GAGE1: variants seen among roughly 807,000 people sequenced by gnomAD.
GAGE1 encodes G antigen 4.
A neutral mutation model predicts 5.0 loss-of-function variants in GAGE1; 5 were observed. The observed-to-expected ratio is 1.00, with a 90% CI of 0.52 to 2.11. The LOEUF (loss-of-function observed/expected upper bound fraction) is 2.11. Ranked by LOEUF, GAGE1 falls within the 30% of genes most tolerant of loss-of-function variation. The probability of loss-of-function intolerance (pLI) is 0.01; values close to 1 mark genes in which losing one functional copy is unlikely to be tolerated. For missense variants in GAGE1, 9 were observed against 38.9 expected (o/e 0.23, Z 2.04); for synonymous variants, 6 against 14.8 (o/e 0.40, Z 1.37).
At position 49,606,477 on chromosome X, in the gene GAGE1, A is replaced by C. The variant is rs2066660573; in HGVS notation, c.*462A>C. ...CTTGGCCTTTCAAAGTGTTGGGATTACAGGCATGGGCCACCGTGCTGGTCC... is the reference window on the plus strand; with the variant it reads ...CTTGGCCTTTCAAAGTGTTGGGATTCCAGGCATGGGCCACCGTGCTGGTCC... On this transcript the variant is annotated 3_prime_UTR_variant, in exon 5 of 5. Coordinates refer to ENST00000381700, the MANE Select transcript of GAGE1 (RefSeq NM_001040663.4). The C allele has an allele frequency of 8.9e-6, 1 of 112,074 alleles. No homozygotes were observed. Among genetic ancestry groups the C allele is most frequent in the African/African-American group, 3.2e-5 (1 of 30,785 alleles). 9.2% of individuals were successfully genotyped at this position (112,074 alleles called of 1,213,427 possible).
intron 4 of GAGE1, among the ~76,000 whole-genome samples, chrX:49,604,822 G>GTTTT (rs1557131810): frequency 9.0e-6 from 1 of 111,690 alleles, no homozygotes; most frequent in Non-Finnish European, 1.9e-5. Flanking sequence ...TTGTTTGTTT[G>GTTTT]TTTGCGACGG....
At chrX:49,602,573 C>G (rs782000991) in intron 3 of GAGE1, among the ~76,000 whole-genome samples, 25 of 67,329 alleles carry the variant, frequency 3.7e-4, no homozygotes, top group African/African-American at 9.0e-4. Context: ...CACACACACA[C>G]ACACACACAT....
At chrX:49,602,820 CTT>C (rs782637326) in intron 3 of GAGE1, among the ~76,000 whole-genome samples, 9 of 79,360 alleles carry the variant, frequency 1.1e-4, no homozygotes, top group African/African-American at 3.5e-4. Flanking sequence ...TTCTTTTTTC[CTT>C]TTTTTTTTCT....
chrX:49,603,989 G>A (rs4824476), intron 4 of GAGE1, among the ~76,000 whole-genome samples, 196 bp downstream of exon 4: 2 of 111,302 alleles, frequency 1.8e-5, no homozygotes, highest in Non-Finnish European at 3.8e-5. Flanking sequence ...CGGAGCCGGG[G>A]TTACAGGCGT....
At position 49,606,028 on chromosome X, in the gene GAGE1, T is replaced by C. The variant is rs781989773; in HGVS notation, c.*13T>C. ...ATCACAGTGTTAAAAGAAGACATGC[T>C]GAAATGTTGCAGGCTGCTCCTATGT... is the stretch of plus-strand genomic sequence containing the variant. On this transcript the variant is annotated 3_prime_UTR_variant, in exon 5 of 5. Coordinates refer to ENST00000381700, the MANE Select transcript of GAGE1 (RefSeq NM_001040663.4). The C allele has an allele frequency of 9.4e-7, 1 of 1,061,028 alleles. No individual in the cohort carries two copies. Among genetic ancestry groups the C allele is most frequent in the Non-Finnish European group, 1.2e-6 (1 of 812,680 alleles). The allele number at this position is 1,061,028 out of a possible 1,213,427, so 87.4% of individuals were successfully genotyped here.
At chrX:49,604,854 G>A (rs1209351335) in intron 4 of GAGE1, 2 of 231,777 alleles carry the variant, frequency 8.6e-6, no homozygotes, top group Non-Finnish European at 1.6e-5. Context: ...GTCACCCAGG[G>A]TGGAGTGCAG....
At chrX:49,605,500 G>T (rs782056874) in intron 4 of GAGE1, among the ~76,000 whole-genome samples, 20 of 112,328 alleles carry the variant, frequency 1.8e-4, no homozygotes, top group African/African-American at 6.1e-4. Flanking sequence ...TACTCTCAAA[G>T]TGTATTCCGA....
chrX:49,604,495 A>C (rs191738319), intron 4 of GAGE1, among the ~76,000 whole-genome samples: 199 of 112,188 alleles, frequency 1.8e-3, no homozygotes, highest in African/African-American at 5.1e-3. Flanking sequence ...GAGTCCTTTC[A>C]CTTCTAAACC....
At position 49,606,264 on chromosome X, in the gene GAGE1, A is replaced by T. The variant is rs2066659184; in HGVS notation, c.*249A>T. The T allele has an allele frequency of 4.8e-6, 1 of 208,979 alleles. No homozygotes were observed. The highest frequency in any genetic ancestry group is 8.2e-5 in the East Asian group (1 of 12,126). The allele number at this position is 208,979 out of a possible 1,213,427, so 17.2% of individuals were successfully genotyped here. ...TCCAGCAACCTTGTTAAATATGCTTATGAATTTTAAAAGTTTACTTCTAGG... is the reference window on the plus strand; with the variant it reads ...TCCAGCAACCTTGTTAAATATGCTTTTGAATTTTAAAAGTTTACTTCTAGG... On this transcript the variant is annotated 3_prime_UTR_variant, in exon 5 of 5. Coordinates refer to ENST00000381700, the MANE Select transcript of GAGE1 (RefSeq NM_001040663.4).
rs1187075607 is a variant in GAGE1, at chrX:49,607,592, T to G, written c.*1577T>G. 15 of 111,206 alleles carry G rather than the reference T, an allele frequency of 1.3e-4. No homozygotes were observed. The highest frequency in any genetic ancestry group is 4.6e-4 in the African/African-American group (14 of 30,600). 9.2% of individuals were successfully genotyped at this position (111,206 alleles called of 1,213,427 possible). A position where few individuals can be genotyped will look rare whatever the true frequency, so the allele number is the denominator to read the frequency against. ...CAGTGACCAAACGGGCAGCTCCAGG[T>G]ACCTATCCCCTCAAACTTTGTGAGG... On this transcript the variant is annotated 3_prime_UTR_variant, in exon 5 of 5. Coordinates refer to ENST00000381700, the MANE Select transcript of GAGE1 (RefSeq NM_001040663.4).
At position 49,605,402 on chromosome X, in the gene GAGE1, A is replaced by G. The variant is rs184992324; in HGVS notation, c.332-591A>G. ...GTATATTTCACACATGTGTTTTCCAAATTGCTGACTGTTAATTGTAATTGC... is the reference window on the plus strand; with the variant it reads ...GTATATTTCACACATGTGTTTTCCAGATTGCTGACTGTTAATTGTAATTGC... On this transcript the variant is annotated intron_variant, in intron 4 of 4. Coordinates refer to ENST00000381700, the MANE Select transcript of GAGE1 (RefSeq NM_001040663.4). Among the ~76,000 whole-genome samples the G allele has an allele frequency of 2.0e-4, 23 of 112,317 alleles. No individual in the cohort carries two copies. The East Asian group carries it at 3.4e-3, about 16-fold the overall frequency.
At position 49,608,112 on chromosome X, in the gene GAGE1, T is replaced by A. The variant is rs141472292; in HGVS notation, c.*2097T>A. On this transcript the variant is annotated 3_prime_UTR_variant, in exon 5 of 5. Coordinates refer to ENST00000381700, the MANE Select transcript of GAGE1 (RefSeq NM_001040663.4). ...GTAATCTGATGTTTTCTTTAAAAAT[T>A]TACATATACAAAAGTGTTTGACTCA... is the stretch of plus-strand genomic sequence containing the variant. 3.3e-3 allele frequency: 370 copies of A among 111,996 alleles called. 2 individuals are homozygous for A. The highest frequency in any genetic ancestry group is 0.011 in the African/African-American group (348 of 30,879). The allele number at this position is 111,996 out of a possible 1,213,427, so 9.2% of individuals were successfully genotyped here. A position where few individuals can be genotyped will look rare whatever the true frequency, so the allele number is the denominator to read the frequency against.
chrX:49,606,957 G>A lies in GAGE1; in HGVS notation c.*942G>A, dbSNP rs962219210. 6 of 111,605 alleles carry A rather than the reference G, an allele frequency of 5.4e-5. No homozygotes were observed. Among genetic ancestry groups the A allele is most frequent in the Admixed American group, 9.6e-5 (1 of 10,455 alleles). 9.2% of individuals were successfully genotyped at this position (111,605 alleles called of 1,213,427 possible). ...GTAATCTGTTTATGTAGTCAATTACGTTGATAAATCTGTACTTTTTAAATT... is the reference window on the plus strand; with the variant it reads ...GTAATCTGTTTATGTAGTCAATTACATTGATAAATCTGTACTTTTTAAATT... On this transcript the variant is annotated 3_prime_UTR_variant, in exon 5 of 5. Transcript: ENST00000381700.
intron 4 of GAGE1, among the ~76,000 whole-genome samples, chrX:49,604,253 C>G (rs782112278): frequency 5.3e-4 from 60 of 112,391 alleles, no homozygotes; most frequent in African/African-American, 1.9e-3. Flanking sequence ...CCCCAGCACC[C>G]GAGTGATAGA....
chrX:49,604,137 G>A (rs2066634556), intron 4 of GAGE1, among the ~76,000 whole-genome samples: 1 of 112,832 alleles, frequency 8.9e-6, no homozygotes, highest in Admixed American at 9.3e-5. Flanking sequence ...ACAGGCGAGA[G>A]CCACTGTGCC....
chrX:49,604,414 G>C (rs1431980812), intron 4 of GAGE1, among the ~76,000 whole-genome samples: 1 of 112,283 alleles, frequency 8.9e-6, no homozygotes, highest in East Asian at 2.8e-4. Context: ...CCCATCACTT[G>C]GTGTGAAAAA....
At chrX:49,605,482 T>G (rs376606632) in intron 4 of GAGE1, among the ~76,000 whole-genome samples, 1 of 112,395 alleles carries the variant, frequency 8.9e-6, no homozygotes, top group Non-Finnish European at 1.9e-5. Flanking sequence ...CTTTAAATTC[T>G]GGAGGGCTAC....
chrX:49,603,975 C>G (rs1240961425), intron 4 of GAGE1, among the ~76,000 whole-genome samples, 182 bp downstream of exon 4: 1 of 113,249 alleles, frequency 8.8e-6, no homozygotes, highest in Non-Finnish European at 1.9e-5. Flanking sequence ...GCCTGAGCCT[C>G]TGGCGGAGCC....
intron 4 of GAGE1, among the ~76,000 whole-genome samples, chrX:49,604,836 C>G (rs1557131822): frequency 8.9e-6 from 1 of 112,058 alleles, no homozygotes; most frequent in African/African-American, 3.2e-5. Context: ...GCGACGGAGT[C>G]TCAGTCTGTC....
Sources: gnomAD v4.1 joint callset for allele counts (sites outside exome capture counted in the v4.1 genomes callset) on GRCh38, gnomAD v4.1.1 for gene constraint, MANE v1.5 for transcripts, NCBI Gene and HGNC (gene_info 2026-07-23, HGNC 2026-07-21) for gene names.